Variants in MSRA observed in about 807,000 individuals in gnomAD.
The protein encoded by MSRA is methionine sulfoxide reductase A.
Under a neutral mutation model 31.3 loss-of-function variants are expected in MSRA, and 54 were observed. The observed-to-expected ratio is 1.73, with a 90% CI of 1.39 to 2.17. The LOEUF (loss-of-function observed/expected upper bound fraction) is 2.17. Ranked by LOEUF, MSRA falls within the 30% of genes most tolerant of loss-of-function variation. The pLI is 0.00. For missense variants in MSRA, 507 were observed against 300.9 expected (o/e 1.69, Z -5.07); for synonymous variants, 169 against 116.5 (o/e 1.45, Z -2.90).
At position 10,214,873 on chromosome 8, in the gene MSRA, T is replaced by C. The variant is rs988113902; in HGVS notation, c.211+6972T>C. On this transcript the variant is annotated intron_variant, in intron 2 of 5. Transcript: ENST00000317173. ...CATGATTTCAACTTTCGTTTTCTTCTTGAGTGTAGAGAAGTCAGATAATAT... is the reference window on the plus strand; with the variant it reads ...CATGATTTCAACTTTCGTTTTCTTCCTGAGTGTAGAGAAGTCAGATAATAT... Among the ~76,000 whole-genome samples, 7 of 152,228 alleles carry C rather than the reference T, an allele frequency of 4.6e-5. No individual in the cohort carries two copies. The South Asian group carries it at 1.4e-3, about 31-fold the overall frequency.
chr8:10,257,914 T>C (rs933348688), intron 3 of MSRA, among the ~76,000 whole-genome samples: 2 of 152,192 alleles, frequency 1.3e-5, no homozygotes, highest in African/African-American at 4.8e-5. Flanking sequence ...CATGTCTTGT[T>C]AAGAAGCAGG....
chr8:10,103,143 A>C (rs1378722299), intron 1 of MSRA, among the ~76,000 whole-genome samples: 1 of 152,194 alleles, frequency 6.6e-6, no homozygotes. Flanking sequence ...AGAATACGCT[A>C]CCTGGGTAAG....
intron 1 of MSRA, among the ~76,000 whole-genome samples, chr8:10,067,156 T>C (rs1045253637): frequency 9.2e-5 from 14 of 152,214 alleles, no homozygotes; most frequent in African/African-American, 1.7e-4. Flanking sequence ...AAGTCCTCTG[T>C]GCTTTACCTA....
At chr8:10,383,209 C>G (rs1806181413) in intron 5 of MSRA, among the ~76,000 whole-genome samples, 1 of 152,174 alleles carries the variant, frequency 6.6e-6, no homozygotes, top group African/African-American at 2.4e-5. Flanking sequence ...GGGCAGAGGG[C>G]AATGTGCAGG....
intron 1 of MSRA, among the ~76,000 whole-genome samples, chr8:10,084,657 G>T (rs1209083297): frequency 6.6e-6 from 1 of 152,190 alleles, no homozygotes; most frequent in African/African-American, 2.4e-5. Context: ...TGGGGTTGAT[G>T]ATACCCTGAT....
At chr8:10,372,086 G>C (rs1444065936) in intron 5 of MSRA, among the ~76,000 whole-genome samples, 1 of 152,182 alleles carries the variant, frequency 6.6e-6, no homozygotes, top group Non-Finnish European at 1.5e-5. Flanking sequence ...TGACAATTGA[G>C]TCTGGGATGA....
chr8:10,077,209 C>T lies in MSRA; in HGVS notation c.142+22551C>T, dbSNP rs117683554. 7.5e-3 allele frequency among the ~76,000 whole-genome samples: 1,146 copies of T among 152,274 alleles called. 8 individuals are homozygous for T. Among genetic ancestry groups the T allele is most frequent in the Non-Finnish European group, 0.011 (736 of 68,034 alleles). On this transcript the variant is annotated intron_variant, in intron 1 of 5. Coordinates refer to ENST00000317173, the MANE Select transcript of MSRA (RefSeq NM_012331.5). ...TGCATTTGACAACCAAAAGCTTTTG[C>T]CAACAATGATGGGCAAAGAGAGGGA...
intron 5 of MSRA, among the ~76,000 whole-genome samples, chr8:10,340,106 G>C (rs898476812): frequency 6.6e-6 from 1 of 152,146 alleles, no homozygotes; most frequent in Middle Eastern, 3.2e-3. Context: ...CTGGGAAAGA[G>C]ACGGCAAAGG....
chr8:10,294,685 A>G (rs1192162075), intron 3 of MSRA, among the ~76,000 whole-genome samples: 2 of 152,070 alleles, frequency 1.3e-5, no homozygotes, highest in African/African-American at 2.4e-5. Context: ...GAACAGTGTC[A>G]CCGACCTCCT....
chr8:10,090,678 A>G (rs948735471), intron 1 of MSRA, among the ~76,000 whole-genome samples: 2 of 152,224 alleles, frequency 1.3e-5, no homozygotes, highest in East Asian at 3.8e-4. Context: ...AGTCATTGGC[A>G]GTCACTTCCA....
chr8:10,390,844 C>T (rs1335279857), intron 5 of MSRA, among the ~76,000 whole-genome samples: 1 of 152,090 alleles, frequency 6.6e-6, no homozygotes, highest in Non-Finnish European at 1.5e-5. Context: ...GGCGCGGTGG[C>T]AGGCGCCTGT....
chr8:10,120,109 T>C (rs1381053134), intron 1 of MSRA, among the ~76,000 whole-genome samples: 1 of 152,124 alleles, frequency 6.6e-6, no homozygotes, highest in Non-Finnish European at 1.5e-5. Context: ...GTGTATCCCA[T>C]TGGCCAAGTC....
intron 2 of MSRA, among the ~76,000 whole-genome samples, chr8:10,225,005 G>A (rs1369285516): frequency 2.0e-5 from 3 of 152,124 alleles, no homozygotes; most frequent in Admixed American, 6.5e-5. Flanking sequence ...GGCCGTGGTG[G>A]CGCATGCCTG....
chr8:10,283,836 TACACACACACACACACACACAC>T (rs372503609), intron 3 of MSRA, among the ~76,000 whole-genome samples: 3 of 53,160 alleles, frequency 5.6e-5, no homozygotes, highest in East Asian at 1.7e-3. Context: ...TATATATATA[TACACACACACACACACACACAC>T]ACACACACAC....
At chr8:10,246,590 C>T (rs1338095770) in intron 3 of MSRA, among the ~76,000 whole-genome samples, 2 of 152,106 alleles carry the variant, frequency 1.3e-5, no homozygotes, top group African/African-American at 4.8e-5. Flanking sequence ...CCAAGGGCAC[C>T]ATGAATGATG....
At chr8:10,109,836 G>T (rs191817229) in intron 1 of MSRA, among the ~76,000 whole-genome samples, 11 of 152,196 alleles carry the variant, frequency 7.2e-5, no homozygotes, top group African/African-American at 2.4e-4. Flanking sequence ...GTTCAGGACA[G>T]TGATCAAGTG....
intron 5 of MSRA, among the ~76,000 whole-genome samples, chr8:10,408,333 T>G (rs1051505855): frequency 7.2e-5 from 11 of 152,120 alleles, no homozygotes; most frequent in Non-Finnish European, 1.2e-4. Context: ...GCCCAGGAGT[T>G]TAAGACCACC....
intron 3 of MSRA, among the ~76,000 whole-genome samples, chr8:10,250,268 A>G (rs1238825802): frequency 1.3e-5 from 2 of 152,190 alleles, no homozygotes; most frequent in African/African-American, 2.4e-5. Context: ...TGTAATAACG[A>G]CTGTACAGAT....
intron 1 of MSRA, among the ~76,000 whole-genome samples, chr8:10,117,209 T>C (rs1800748071): frequency 6.6e-6 from 1 of 152,072 alleles, no homozygotes; most frequent in Admixed American, 6.5e-5. Flanking sequence ...CTTTGTTGAG[T>C]TCCTAGGTTT....
Sources: gnomAD v4.1 joint callset for allele counts (sites outside exome capture counted in the v4.1 genomes callset) on GRCh38, gnomAD v4.1.1 for gene constraint, MANE v1.5 for transcripts, NCBI Gene and HGNC (gene_info 2026-07-23, HGNC 2026-07-21) for gene names.